The following STPG2 variants were observed in gnomAD, a reference collection of about 807,000 sequenced individuals.
STPG2 encodes sperm-tail PG-rich repeat-containing protein 2.
STPG2 carries 56 observed loss-of-function variants against 54.2 expected under a neutral mutation model. The ratio of observed to expected loss-of-function variants is 1.03; its 90% CI spans 0.83 to 1.29. The LOEUF is 1.29. STPG2 is among the 50% of genes most tolerant of loss of function. The pLI, the probability that STPG2 is intolerant of heterozygous loss-of-function variation, is 0.00. For synonymous variants in STPG2, 200 were observed against 181.8 expected (o/e 1.10, Z -0.81); for missense variants, 596 against 544.9 (o/e 1.09, Z -0.93).
At chr4:97,444,939 A>T (rs1230207526) in intron 4 of STPG2, among the ~76,000 whole-genome samples, 1 of 152,176 alleles carries the variant, frequency 6.6e-6, no homozygotes, top group Non-Finnish European at 1.5e-5. Flanking sequence ...CAGGAGGCTG[A>T]GGCAAGAGAA....
At chr4:97,783,859 T>C (rs542390340) in intron 9 of STPG2, among the ~76,000 whole-genome samples, 1 of 150,286 alleles carries the variant, frequency 6.7e-6, no homozygotes, top group Non-Finnish European at 1.5e-5. Context: ...CACTCATAGG[T>C]GGGAACAATG....
At chr4:97,989,893 A>G in intron 5 of STPG2, among the ~76,000 whole-genome samples, 1 of 152,230 alleles carries the variant, frequency 6.6e-6, no homozygotes, top group East Asian at 1.9e-4. Context: ...CAAATTGTTT[A>G]CTTCTGGAAT....
At chr4:97,564,716 A>T (rs1164217691) in intron 10 of STPG2, among the ~76,000 whole-genome samples, 1 of 152,166 alleles carries the variant, frequency 6.6e-6, no homozygotes, top group African/African-American at 2.4e-5. Context: ...TTGATATGAA[A>T]TTCTGGGTTG....
At chr4:98,014,205 T>G (rs1238307246) in intron 5 of STPG2, among the ~76,000 whole-genome samples, 1 of 152,220 alleles carries the variant, frequency 6.6e-6, no homozygotes, top group Admixed American at 6.5e-5. Flanking sequence ...ACTTCTTGAT[T>G]TCTGCCTTAA....
chr4:97,926,771 A>C (rs1732346505), intron 8 of STPG2, among the ~76,000 whole-genome samples: 1 of 152,124 alleles, frequency 6.6e-6, no homozygotes, highest in African/African-American at 2.4e-5. Context: ...AGAATGATGA[A>C]AAGAGACATG....
chr4:97,566,857 G>A (rs1241454704), intron 10 of STPG2, among the ~76,000 whole-genome samples: 1 of 146,296 alleles, frequency 6.8e-6, no homozygotes, highest in Non-Finnish European at 1.5e-5. Flanking sequence ...ACAGGAAGGG[G>A]AACATCACAC....
At chr4:97,540,841 G>T (rs112606960) in intron 4 of STPG2, among the ~76,000 whole-genome samples, 2,294 of 151,992 alleles carry the variant, frequency 0.015, 57 homozygotes, top group African/African-American at 0.053. Flanking sequence ...ACATAATCCA[G>T]CATATAAAAA....
intron 4 of STPG2, among the ~76,000 whole-genome samples, chr4:97,542,181 C>T (rs1175756673): frequency 1.3e-5 from 2 of 152,144 alleles, no homozygotes; most frequent in African/African-American, 4.8e-5. Flanking sequence ...AGTGAACAGG[C>T]AACTTACAGA....
At chr4:98,129,648 A>G (rs192945354) in intron 2 of STPG2, among the ~76,000 whole-genome samples, 286 of 152,282 alleles carry the variant, frequency 1.9e-3, no homozygotes, top group African/African-American at 6.8e-3. Context: ...TTAAATAAAA[A>G]CATGAAGGTG....
intron 8 of STPG2, among the ~76,000 whole-genome samples, chr4:97,908,351 A>G (rs560048322): frequency 7.0e-4 from 106 of 151,712 alleles, no homozygotes; most frequent in Admixed American, 1.4e-3. Context: ...CAATCATTAA[A>G]AAGTCAGGAA....
At chr4:97,485,681 A>G (rs1730336687) in intron 4 of STPG2, among the ~76,000 whole-genome samples, 1 of 151,846 alleles carries the variant, frequency 6.6e-6, no homozygotes, top group Non-Finnish European at 1.5e-5. Context: ...TACCACCATC[A>G]TTCTTCACAG....
chr4:98,030,020 A>G (rs1247068992), intron 5 of STPG2, among the ~76,000 whole-genome samples: 8 of 152,200 alleles, frequency 5.3e-5, no homozygotes, highest in African/African-American at 1.9e-4. Flanking sequence ...TTTTGACATT[A>G]TCCAGGCCAC....
At chr4:97,578,388 C>T (rs868325761) in intron 10 of STPG2, among the ~76,000 whole-genome samples, 1 of 152,026 alleles carries the variant, frequency 6.6e-6, no homozygotes, top group Non-Finnish European at 1.5e-5. Context: ...CAATATGTAG[C>T]CAACTGAGAC....
chr4:97,751,171 A>G (rs1005149250), intron 9 of STPG2, among the ~76,000 whole-genome samples: 1 of 151,866 alleles, frequency 6.6e-6, no homozygotes, highest in Non-Finnish European at 1.5e-5. Context: ...GATTACTGGG[A>G]AATTAGTACA....
chr4:97,997,391 T>C (rs1457720617), intron 5 of STPG2, among the ~76,000 whole-genome samples: 1 of 152,114 alleles, frequency 6.6e-6, no homozygotes, highest in Non-Finnish European at 1.5e-5. Flanking sequence ...GTAGGCACTT[T>C]ACATGGCAAA....
At chr4:98,018,070 C>T (rs1344912242) in intron 5 of STPG2, among the ~76,000 whole-genome samples, 1 of 151,778 alleles carries the variant, frequency 6.6e-6, no homozygotes, top group Non-Finnish European at 1.5e-5. Context: ...GCACAATGTG[C>T]AGGTTTGTTA....
intron 5 of STPG2, among the ~76,000 whole-genome samples, chr4:97,986,583 T>C (rs1734838550): frequency 6.6e-6 from 1 of 152,184 alleles, no homozygotes; most frequent in Non-Finnish European, 1.5e-5. Context: ...GCAAAGTATA[T>C]TTTAAAACAG....
intron 4 of STPG2, among the ~76,000 whole-genome samples, chr4:97,550,995 C>T (rs1731953179): frequency 6.6e-6 from 1 of 152,054 alleles, no homozygotes; most frequent in African/African-American, 2.4e-5. Context: ...AAAGAACAAA[C>T]CTTCCACACG....
At chr4:97,526,874 A>C (rs1460274173) in intron 4 of STPG2, among the ~76,000 whole-genome samples, 2 of 151,972 alleles carry the variant, frequency 1.3e-5, no homozygotes, top group Non-Finnish European at 2.9e-5. Flanking sequence ...GAAGGAATGG[A>C]GTTTCAGTTT....
Sources: allele counts gnomAD v4.1 joint callset (sites outside exome capture counted in the v4.1 genomes callset), GRCh38; gene constraint gnomAD v4.1.1; transcripts MANE v1.5; gene names NCBI Gene and HGNC (gene_info 2026-07-23, HGNC 2026-07-21).